Variants in KLHL1 observed in about 807,000 individuals in gnomAD.
KLHL1 encodes the protein kelch-like protein 1.
A neutral mutation model predicts 77.7 loss-of-function variants in KLHL1; 47 were observed. The observed-to-expected ratio is 0.60, with a 90% CI of 0.48 to 0.77. The LOEUF (loss-of-function observed/expected upper bound fraction) is 0.77. Among genes scored for constraint, KLHL1 ranks in the 30% least tolerant of loss-of-function variants. The probability of loss-of-function intolerance (pLI) is 0.00; values close to 1 mark genes in which losing one functional copy is unlikely to be tolerated. For synonymous variants in KLHL1, 360 were observed against 325.2 expected, an observed-to-expected ratio of 1.11 and a Z score of -1.15; for missense variants, 925 against 910.8, an observed-to-expected ratio of 1.02 and a Z score of -0.20.
At chr13:70,103,312 T>C (rs556598192) in intron 1 of KLHL1, among the ~76,000 whole-genome samples, 3 of 152,218 alleles carry the variant, frequency 2.0e-5, no homozygotes, top group African/African-American at 2.4e-5. Flanking sequence ...ATGGCCTACA[T>C]AGCAGACAAA....
At chr13:69,952,869 A>T (rs146422840) in intron 3 of KLHL1, among the ~76,000 whole-genome samples, 1,558 of 151,444 alleles carry the variant, frequency 0.01, 27 homozygotes, top group African/African-American at 0.034. Flanking sequence ...TTGCTTGTTT[A>T]TATTTGCTTG....
chr13:69,950,618 C>T (rs140219960), intron 3 of KLHL1, among the ~76,000 whole-genome samples: 1,558 of 151,684 alleles, frequency 0.01, 26 homozygotes, highest in African/African-American at 0.035. Flanking sequence ...TTTAAATCTT[C>T]ACTTAAGTAA....
intron 1 of KLHL1, among the ~76,000 whole-genome samples, chr13:70,066,361 C>T (rs75355493): frequency 1.3e-5 from 2 of 152,070 alleles, no homozygotes; most frequent in African/African-American, 4.8e-5. Flanking sequence ...ACCTACTATA[C>T]GCTGAGAGCT....
chr13:70,084,028 TAAC>T (rs1469415998), intron 1 of KLHL1, among the ~76,000 whole-genome samples: 1 of 152,126 alleles, frequency 6.6e-6, no homozygotes, highest in East Asian at 1.9e-4. Context: ...AGGAAGTGGA[TAAC>T]AACATGTGCT....
intron 1 of KLHL1, among the ~76,000 whole-genome samples, chr13:70,072,928 C>T (rs1352348286): frequency 1.3e-5 from 2 of 152,030 alleles, no homozygotes; most frequent in African/African-American, 4.8e-5. Context: ...TCCTATGCAA[C>T]ATCAAACCAG....
chr13:70,029,694 A>G (rs1167928901), intron 1 of KLHL1, among the ~76,000 whole-genome samples: 1 of 152,216 alleles, frequency 6.6e-6, no homozygotes, highest in Admixed American at 6.5e-5. Flanking sequence ...AATGGCATCA[A>G]CTAACCAGCA....
At chr13:70,057,528 G>A (rs1210100763) in intron 1 of KLHL1, among the ~76,000 whole-genome samples, 1 of 143,032 alleles carries the variant, frequency 7.0e-6, no homozygotes, top group East Asian at 2.1e-4. Flanking sequence ...TGTAATCCCA[G>A]CACTTTGGGA....
intron 4 of KLHL1, among the ~76,000 whole-genome samples, chr13:69,926,668 C>T (rs1882822688): frequency 6.6e-6 from 1 of 151,946 alleles, no homozygotes; most frequent in Non-Finnish European, 1.5e-5. Context: ...AGAATTCAGG[C>T]CGGGCGCGGT....
intron 1 of KLHL1, among the ~76,000 whole-genome samples, chr13:69,977,179 A>T (rs1299694013): frequency 6.6e-6 from 1 of 152,120 alleles, no homozygotes; most frequent in Non-Finnish European, 1.5e-5. Context: ...TAGGTTTGTA[A>T]AGAAACTGGA....
chr13:69,730,268 TGTGTG>T (rs1873485358), intron 8 of KLHL1, among the ~76,000 whole-genome samples: 1 of 42,340 alleles, frequency 2.4e-5, no homozygotes, highest in Non-Finnish European at 4.9e-5. Flanking sequence ...AACACTTTAA[TGTGTG>T]TGTGTGTGTG....
chr13:69,855,142 A>G (rs1215990347), intron 5 of KLHL1, among the ~76,000 whole-genome samples: 4 of 152,040 alleles, frequency 2.6e-5, no homozygotes, highest in Non-Finnish European at 5.9e-5. Context: ...TATATTGAGA[A>G]CTGAGGAATT....
intron 1 of KLHL1, among the ~76,000 whole-genome samples, chr13:70,001,567 T>C (rs532679223): frequency 1.4e-5 from 2 of 139,696 alleles, no homozygotes; most frequent in Admixed American, 7.7e-5. Context: ...GGGATATCTA[T>C]CTATGATCTA....
At chr13:69,790,068 A>G (rs1876796060) in intron 7 of KLHL1, among the ~76,000 whole-genome samples, 1 of 151,806 alleles carries the variant, frequency 6.6e-6, no homozygotes, top group East Asian at 1.9e-4. Flanking sequence ...CACTTCTGAC[A>G]CATTTGGTCA....
At chr13:69,888,965 G>A (rs1250301116) in intron 4 of KLHL1, among the ~76,000 whole-genome samples, 2 of 151,782 alleles carry the variant, frequency 1.3e-5, no homozygotes, top group African/African-American at 4.8e-5. Flanking sequence ...CCCTTATGGA[G>A]GATAGCAAAT....
chr13:69,971,128 T>C (rs1445101223), intron 2 of KLHL1, among the ~76,000 whole-genome samples: 1 of 152,164 alleles, frequency 6.6e-6, no homozygotes, highest in Non-Finnish European at 1.5e-5. Flanking sequence ...TCACCAATTA[T>C]TGAGTGAATA....
intron 1 of KLHL1, among the ~76,000 whole-genome samples, chr13:70,070,566 CA>C (rs1347725298): frequency 6.6e-6 from 1 of 151,894 alleles, no homozygotes; most frequent in East Asian, 1.9e-4. Context: ...AACAAAAATA[CA>C]AAGAATTTGT....
Position 69,740,474 on chromosome 13 carries a change from A to T in KLHL1, c.1722T>A (p.Asp574Glu), listed in dbSNP as rs1466765587. ...WSYLNTVERW[D>E]PQSQQWTFVA... ...CAAATGTCCATTGTTGACTCTGTGG[A>T]TCCCACCTTTCCACTGTATTCAGAT... Residue 574 changes from aspartate to glutamate, a missense_variant, in exon 8 of 11, where the codon GAT becomes GAA. Transcript: ENST00000377844. The T allele has an allele frequency of 2.5e-6, 4 of 1,613,074 alleles. No individual in the cohort carries two copies. The highest frequency in any genetic ancestry group is 3.4e-6 in the Non-Finnish European group (4 of 1,179,334).
At chr13:69,885,557 A>T (rs1881184745) in intron 4 of KLHL1, among the ~76,000 whole-genome samples, 1 of 152,074 alleles carries the variant, frequency 6.6e-6, no homozygotes, top group Non-Finnish European at 1.5e-5. Flanking sequence ...AGTTGTTTTA[A>T]CATCATTATG....
chr13:70,087,295 T>C (rs1219637521), intron 1 of KLHL1, among the ~76,000 whole-genome samples: 1 of 151,874 alleles, frequency 6.6e-6, no homozygotes, highest in East Asian at 1.9e-4. Flanking sequence ...AATTTGAGGG[T>C]AAAATAACAA....
Sources: gnomAD v4.1 joint callset for allele counts (sites outside exome capture counted in the v4.1 genomes callset) on GRCh38, gnomAD v4.1.1 for gene constraint, MANE v1.5 for transcripts, NCBI Gene and HGNC (gene_info 2026-07-23, HGNC 2026-07-21) for gene names.